The following ADAMTSL1 variants were observed in gnomAD, a reference collection of about 807,000 sequenced individuals.
ADAMTSL1 encodes ADAMTS-like protein 1.
A neutral mutation model predicts 201.8 loss-of-function variants in ADAMTSL1; 126 were observed. The observed-to-expected ratio is 0.62, with a 90% CI of 0.54 to 0.72. ADAMTSL1 has a LOEUF of 0.72. ADAMTSL1 is among the 30% of genes least tolerant of loss of function. The pLI is 0.00. For synonymous variants in ADAMTSL1, 1,121 were observed against 903.4 expected, an observed-to-expected ratio of 1.24 and a Z score of -4.32; for missense variants, 2,679 against 2,277.8, an observed-to-expected ratio of 1.18 and a Z score of -3.59.
intron 16 of ADAMTSL1, among the ~76,000 whole-genome samples, chr9:18,768,032 G>A (rs78946186): frequency 0.013 from 1,909 of 152,304 alleles, 27 homozygotes; most frequent in African/African-American, 0.043. Flanking sequence ...CAGAGTTTAG[G>A]GAGAACTCCT....
chr9:18,663,708 T>G (rs373289831), intron 9 of ADAMTSL1, among the ~76,000 whole-genome samples: 1 of 149,282 alleles, frequency 6.7e-6, no homozygotes, highest in African/African-American at 2.5e-5. Context: ...TTCATAAAGC[T>G]TTTTTCCACA....
At position 18,823,588 on chromosome 9, in the gene ADAMTSL1, C is replaced by G. The variant is rs1037198098; in HGVS notation, c.3935-2696C>G. On this transcript the variant is annotated intron_variant, in intron 21 of 28. Coordinates refer to ENST00000380548, the MANE Select transcript of ADAMTSL1 (RefSeq NM_001040272.6). ...TGTCACTCTCACTCTCATTTTCTCTCCCCCTGAGTCTTTGTGTTTGCTGCC... is the reference window on the plus strand; with the variant it reads ...TGTCACTCTCACTCTCATTTTCTCTGCCCCTGAGTCTTTGTGTTTGCTGCC... Among the ~76,000 whole-genome samples, 7 of 152,210 alleles carry G rather than the reference C, an allele frequency of 4.6e-5. 1 individual carries two copies.
At chr9:18,328,221 G>A (rs1450459721) in intron 2 of ADAMTSL1, among the ~76,000 whole-genome samples, 1 of 152,232 alleles carries the variant, frequency 6.6e-6, no homozygotes, top group Non-Finnish European at 1.5e-5. Flanking sequence ...CACTGCTGTG[G>A]AGAGTGCATG....
At chr9:18,705,252 A>T (rs1564165535) in intron 13 of ADAMTSL1, among the ~76,000 whole-genome samples, 1 of 152,220 alleles carries the variant, frequency 6.6e-6, no homozygotes, top group East Asian at 1.9e-4. Context: ...CCAGGTTTGC[A>T]TGCCTCTGCA....
chr9:18,838,131 G>C (rs1825435004), intron 23 of ADAMTSL1, among the ~76,000 whole-genome samples: 1 of 152,062 alleles, frequency 6.6e-6, no homozygotes, highest in Non-Finnish European at 1.5e-5. Flanking sequence ...GGAGAAGCAA[G>C]TCACGTCTTA....
intron 2 of ADAMTSL1, among the ~76,000 whole-genome samples, chr9:18,225,697 A>C (rs1224535504): frequency 6.6e-6 from 1 of 152,150 alleles, no homozygotes; most frequent in African/African-American, 2.4e-5. Flanking sequence ...TTTGTTCAGA[A>C]GTATTTTTAA....
chr9:18,309,279 G>A (rs577559295), intron 2 of ADAMTSL1, among the ~76,000 whole-genome samples: 1 of 152,256 alleles, frequency 6.6e-6, no homozygotes, highest in Middle Eastern at 3.4e-3. Flanking sequence ...ACTGGCACAA[G>A]ACAAGGATGC....
intron 2 of ADAMTSL1, among the ~76,000 whole-genome samples, chr9:18,167,871 G>A (rs571002891): frequency 6.6e-6 from 1 of 152,048 alleles, no homozygotes; most frequent in African/African-American, 2.4e-5. Context: ...ATAGAAATAT[G>A]TCAGGAACAT....
chr9:18,770,874 A>G, intron 17 of ADAMTSL1, 93 bp downstream of exon 17: 1 of 1,282,342 alleles, frequency 7.8e-7, no homozygotes, highest in Non-Finnish European at 1.1e-6. Context: ...AAGAGAACAA[A>G]ACAATCTTCC....
In ADAMTSL1 at chr9:18,680,493, T is replaced by C; in HGVS notation, c.1318T>C (p.Trp440Arg). 1 of 1,614,158 alleles carries C rather than the reference T, an allele frequency of 6.2e-7. No individual in the cohort carries two copies. The highest frequency in any genetic ancestry group is 8.5e-7 in the Non-Finnish European group (1 of 1,180,022). ...CTGCAACATTTTTGACTGCCCTAAA[T>C]GGCTGGCACAGGAGTGGTCTCCGGT... The part of the protein sequence containing the change: ...QPCNIFDCPK[W>R]LAQEWSPCTV... The change falls in exon 11 of 29, where the codon TGG becomes CGG. Residue 440 changes from tryptophan (W) to arginine (R), a missense_variant. Physicochemically the swap from Trp to Arg is moderately radical, Grantham distance 101. Transcript: ENST00000380548.
rs959712436 is a variant in ADAMTSL1 at position 18,067,257 on chromosome 9, G to A, written c.88-96605G>A. On this transcript the variant is annotated intron_variant, in intron 1 of 29. Coordinates refer to the ADAMTSL1 transcript ENST00000680146. Reference sequence around the variant, plus strand: ...TTAATCTTTTTGTGCTAACTTTCTCGTTGTTAAGGTCACAATAGAAATGAT... The same window carrying A: ...TTAATCTTTTTGTGCTAACTTTCTCATTGTTAAGGTCACAATAGAAATGAT... 3.9e-5 allele frequency among the ~76,000 whole-genome samples: 6 copies of A among 152,146 alleles called. No individual in the cohort carries two copies. The East Asian group carries it at 5.8e-4, about 15-fold the overall frequency.
intron 4 of ADAMTSL1, among the ~76,000 whole-genome samples, chr9:18,584,079 A>G (rs958097141): frequency 6.6e-6 from 1 of 151,990 alleles, no homozygotes. Context: ...GCAATATGAG[A>G]AGGGGATGAG....
chr9:18,031,419 G>A (rs1023486641), intron 1 of ADAMTSL1, among the ~76,000 whole-genome samples: 85 of 152,116 alleles, frequency 5.6e-4, no homozygotes, highest in Non-Finnish European at 6.0e-4. Flanking sequence ...CTGAGGCTGT[G>A]TTTGGGTTTC....
At chr9:17,922,253 G>A (rs902742708) in intron 1 of ADAMTSL1, among the ~76,000 whole-genome samples, 3 of 152,082 alleles carry the variant, frequency 2.0e-5, no homozygotes, top group African/African-American at 4.8e-5. Flanking sequence ...TAGCGCACGT[G>A]CTACATATTT....
At chr9:18,432,644 G>A (rs368272825) in intron 2 of ADAMTSL1, among the ~76,000 whole-genome samples, 24 of 152,144 alleles carry the variant, frequency 1.6e-4, no homozygotes, top group Non-Finnish European at 2.9e-4. Flanking sequence ...CCACATTCCA[G>A]TGGTTGCTTG....
chr9:18,071,686 T>C (rs1048617136), intron 1 of ADAMTSL1, among the ~76,000 whole-genome samples: 1 of 152,192 alleles, frequency 6.6e-6, no homozygotes. Context: ...GAGTGTGTCC[T>C]CTATAGAGAT....
At chr9:18,761,120 T>C (rs539399207) in intron 16 of ADAMTSL1, among the ~76,000 whole-genome samples, 1 of 152,328 alleles carries the variant, frequency 6.6e-6, no homozygotes, top group Non-Finnish European at 1.5e-5. Flanking sequence ...AGTTGGAAGT[T>C]GTAAGCAGAG....
intron 1 of ADAMTSL1, among the ~76,000 whole-genome samples, chr9:17,956,559 T>C (rs77915125): frequency 0.014 from 2,156 of 152,218 alleles, 65 homozygotes; most frequent in African/African-American, 0.049. Context: ...ACTATTTCAG[T>C]AGGTTTGGGT....
At chr9:18,030,826 T>G (rs1447176413) in intron 1 of ADAMTSL1, among the ~76,000 whole-genome samples, 2 of 152,166 alleles carry the variant, frequency 1.3e-5, no homozygotes. Flanking sequence ...TCTCTTTACA[T>G]AATCCCATAT....
Sources: gnomAD v4.1 joint callset for allele counts (sites outside exome capture counted in the v4.1 genomes callset) on GRCh38, gnomAD v4.1.1 for gene constraint, MANE v1.5 for transcripts, NCBI Gene and HGNC (gene_info 2026-07-23, HGNC 2026-07-21) for gene names.